The following XKR6 variants were observed in gnomAD, a reference collection of about 807,000 sequenced individuals.
XKR6 encodes XK-related protein 6.
A neutral mutation model predicts 56.7 loss-of-function variants in XKR6; 22 were observed. The observed-to-expected ratio is 0.39, with a 90% CI of 0.28 to 0.55. The LOEUF is 0.55. Among genes scored for constraint, XKR6 ranks in the 20% least tolerant of loss-of-function variants. The probability of loss-of-function intolerance (pLI) is 0.66; values close to 1 mark genes in which losing one functional copy is unlikely to be tolerated. For synonymous variants in XKR6, 524 were observed against 387.8 expected, an observed-to-expected ratio of 1.35 and a Z score of -4.13; for missense variants, 852 against 889.0, an observed-to-expected ratio of 0.96 and a Z score of 0.53.
At chr8:11,164,966 T>C (rs1171416168) in intron 1 of XKR6, among the ~76,000 whole-genome samples, 1 of 152,132 alleles carries the variant, frequency 6.6e-6, no homozygotes, top group African/African-American at 2.4e-5. Flanking sequence ...TTAAAGGAGA[T>C]ATGTGCTTAA....
intron 1 of XKR6, among the ~76,000 whole-genome samples, chr8:10,958,874 T>C (rs549681358): frequency 2.0e-5 from 3 of 152,254 alleles, no homozygotes; most frequent in Non-Finnish European, 4.4e-5. Context: ...ACAGTCATTA[T>C]CCAGCTCTGA....
intron 1 of XKR6, among the ~76,000 whole-genome samples, chr8:11,064,925 T>A (rs758833947): frequency 3.3e-5 from 5 of 152,158 alleles, no homozygotes; most frequent in Non-Finnish European, 5.9e-5. Flanking sequence ...ACCTCAATGG[T>A]TAAAACTAGA....
chr8:10,973,881 G>A (rs1802477317), intron 1 of XKR6, among the ~76,000 whole-genome samples: 1 of 152,188 alleles, frequency 6.6e-6, no homozygotes, highest in South Asian at 2.1e-4. Flanking sequence ...CACCACACCT[G>A]TCCACTATTG....
intron 2 of XKR6, among the ~76,000 whole-genome samples, chr8:10,906,964 T>C (rs1045934427): frequency 2.0e-4 from 30 of 151,946 alleles, no homozygotes; most frequent in African/African-American, 6.8e-4. Context: ...AGGGGAATCG[T>C]TTGAACCTGG....
At chr8:11,055,272 G>A (rs60363768) in intron 1 of XKR6, among the ~76,000 whole-genome samples, 16,974 of 152,098 alleles carry the variant, frequency 0.11, 3,014 homozygotes, top group African/African-American at 0.38. Context: ...GAGGAAACAT[G>A]GAGGCTGCAG....
At chr8:10,904,271 G>C (rs1455513547) in intron 2 of XKR6, among the ~76,000 whole-genome samples, 1 of 152,202 alleles carries the variant, frequency 6.6e-6, no homozygotes. Flanking sequence ...CTCTGGGCCA[G>C]AGTTCCTGAG....
chr8:11,150,825 C>T (rs1166964811), intron 1 of XKR6, among the ~76,000 whole-genome samples: 2 of 143,020 alleles, frequency 1.4e-5, no homozygotes, highest in Non-Finnish European at 3.0e-5. Context: ...TGCACTCCAG[C>T]CTGGGTGACA....
intron 1 of XKR6, among the ~76,000 whole-genome samples, chr8:11,176,604 T>A (rs1585020370): frequency 1.3e-5 from 2 of 151,938 alleles, no homozygotes; most frequent in African/African-American, 4.8e-5. Flanking sequence ...GCATTCCTCA[T>A]CCCCCAAAAT....
intron 1 of XKR6, among the ~76,000 whole-genome samples, chr8:10,956,010 G>A (rs183570875): frequency 6.6e-5 from 10 of 152,298 alleles, no homozygotes; most frequent in Admixed American, 2.6e-4. Flanking sequence ...AGAAGAATGG[G>A]CAGGAACCCA....
chr8:11,016,371 T>A (rs895808802), intron 1 of XKR6, among the ~76,000 whole-genome samples: 2 of 151,998 alleles, frequency 1.3e-5, no homozygotes, highest in African/African-American at 4.8e-5. Context: ...TGGGGGAGTG[T>A]GCGCCGCGGG....
chr8:11,176,691 C>G (rs1390385965), intron 1 of XKR6, among the ~76,000 whole-genome samples: 2 of 152,066 alleles, frequency 1.3e-5, no homozygotes, highest in African/African-American at 4.8e-5. Context: ...GTGCCACAGC[C>G]TCGAGGACTC....
chr8:11,030,375 CA>C (rs1798964840), intron 1 of XKR6, among the ~76,000 whole-genome samples: 15 of 152,254 alleles, frequency 9.9e-5, no homozygotes. Context: ...CAGATGCCAT[CA>C]AACAACAGGC....
At chr8:11,143,029 T>C (rs1800784739) in intron 1 of XKR6, among the ~76,000 whole-genome samples, 1 of 152,196 alleles carries the variant, frequency 6.6e-6, no homozygotes, top group Non-Finnish European at 1.5e-5. Context: ...CTTTCCTAAA[T>C]AAACTCAACA....
At chr8:10,992,037 C>T (rs1798004876) in intron 1 of XKR6, among the ~76,000 whole-genome samples, 1 of 152,180 alleles carries the variant, frequency 6.6e-6, no homozygotes, top group Non-Finnish European at 1.5e-5. Flanking sequence ...GATAGTACAG[C>T]AGGAAACAGA....
chr8:10,914,508 A>C (rs1387819788), intron 2 of XKR6, among the ~76,000 whole-genome samples: 1 of 152,114 alleles, frequency 6.6e-6, no homozygotes, highest in Non-Finnish European at 1.5e-5. Flanking sequence ...CGTGATGTCT[A>C]ATAATTAAGG....
chr8:11,111,344 T>C (rs370912447), intron 1 of XKR6, among the ~76,000 whole-genome samples: 2 of 152,182 alleles, frequency 1.3e-5, no homozygotes, highest in Non-Finnish European at 2.9e-5. Context: ...TTGGCACTTC[T>C]GCCCTACATA....
At chr8:11,150,287 T>A (rs1801210955) in intron 1 of XKR6, among the ~76,000 whole-genome samples, 1 of 152,132 alleles carries the variant, frequency 6.6e-6, no homozygotes, top group Admixed American at 6.6e-5. Flanking sequence ...ATACCCCAAA[T>A]AACCCAACTA....
At chr8:10,937,954 G>C in intron 1 of XKR6, among the ~76,000 whole-genome samples, 1 of 151,264 alleles carries the variant, frequency 6.6e-6, no homozygotes, top group Non-Finnish European at 1.5e-5. Context: ...CGGCTGCTTT[G>C]TTTACCTAAG....
In XKR6 at chr8:10,942,663, C is replaced by T. The variant is rs183657297; in HGVS notation, c.765-17833G>A. The stretch of plus-strand genomic sequence containing the variant: ...GCAGATCCAGGTGTTCCAAATTCAG[C>T]GCCACGCTGCCCCCATTATTGAGAA... On this transcript the variant is annotated intron_variant, in intron 1 of 2. Coordinates refer to ENST00000416569, the MANE Select transcript of XKR6 (RefSeq NM_173683.4). Among the ~76,000 whole-genome samples the T allele has an allele frequency of 1.7e-4, 26 of 152,314 alleles. No individual in the cohort carries two copies. In the East Asian group the frequency reaches 3.1e-3, roughly 18 times the overall value.
Sources: allele counts gnomAD v4.1 joint callset (sites outside exome capture counted in the v4.1 genomes callset), GRCh38; gene constraint gnomAD v4.1.1; transcripts MANE v1.5; gene names NCBI Gene and HGNC (gene_info 2026-07-23, HGNC 2026-07-21).